Variants in PKD1L1 observed in about 807,000 individuals in gnomAD.
The protein encoded by PKD1L1 is polycystin 1 like 1, transient receptor potential channel interacting.
PKD1L1 carries 236 observed loss-of-function variants against 323.4 expected under a neutral mutation model. The observed-to-expected ratio is 0.73, with a 90% CI of 0.66 to 0.81. PKD1L1 has a LOEUF of 0.81. Among genes scored for constraint, PKD1L1 ranks in the 40% least tolerant of loss-of-function variants. PKD1L1 has a pLI of 0.00. For missense variants in PKD1L1, 3,320 were observed against 3,508.0 expected (o/e 0.95, Z 1.35); for synonymous variants, 1,344 against 1,335.0 (o/e 1.01, Z -0.15).
chr7:47,891,595 T>C (rs1786819621), intron 15 of PKD1L1, among the ~76,000 whole-genome samples: 1 of 152,246 alleles, frequency 6.6e-6, no homozygotes, highest in African/African-American at 2.4e-5. Flanking sequence ...ACCTTTCTGT[T>C]TCCAGAGCCT....
intron 47 of PKD1L1, 97 bp downstream of exon 47, chr7:47,815,237 C>T (rs1386672413): frequency 6.8e-7 from 1 of 1,478,746 alleles, no homozygotes; most frequent in Non-Finnish European, 9.1e-7. Context: ...ATTCAAGAAC[C>T]TATGCAGTGC....
intron 10 of PKD1L1, 59 bp from the exon 11 acceptor site, chr7:47,905,384 A>G (rs1040366908): frequency 1.9e-6 from 3 of 1,543,608 alleles, no homozygotes; most frequent in Admixed American, 1.8e-5. Context: ...GAATCTCCAG[A>G]GAAACTAGTA....
chr7:47,806,506 G>A (rs1165273236), intron 52 of PKD1L1, among the ~76,000 whole-genome samples: 3 of 152,242 alleles, frequency 2.0e-5, no homozygotes, highest in Non-Finnish European at 4.4e-5. Flanking sequence ...CAGGAAGCCT[G>A]CTGTCTGTCC....
intron 15 of PKD1L1, 100 bp downstream of exon 15, chr7:47,893,778 A>T: frequency 7.8e-7 from 1 of 1,276,502 alleles, no homozygotes; most frequent in Non-Finnish European, 1.1e-6. Flanking sequence ...TGATGTGCTT[A>T]AAATTTAAAA....
Position 47,839,379 on chromosome 7 carries a change from A to C in PKD1L1, c.5769+67T>G, listed in dbSNP as rs768584447. The stretch of plus-strand genomic sequence containing the variant: ...AAGACACAACTGTGGCAAGCGAAGC[A>C]GAGACAGGTGCCATGCTCTGCCGGT... On this transcript the variant is annotated intron_variant, in intron 36 of 56. Coordinates refer to ENST00000289672, the MANE Select transcript of PKD1L1 (RefSeq NM_138295.5). This position sits in a 1 kb window ranked among gnomAD's most constrained non-coding sequence, Gnocchi z 4.3. 76 of 1,339,132 alleles carry C rather than the reference A, an allele frequency of 5.7e-5. No homozygotes were observed. The African/African-American group carries it at 6.9e-4, about 12-fold the overall frequency. 83.0% of individuals were successfully genotyped at this position (1,339,132 alleles called of 1,614,324 possible).
At chr7:47,801,448 T>G (rs1380035519) in intron 53 of PKD1L1, among the ~76,000 whole-genome samples, 3 of 152,236 alleles carry the variant, frequency 2.0e-5, no homozygotes, top group Non-Finnish European at 4.4e-5. Flanking sequence ...TCACTCCATC[T>G]GCTCCAACCA....
intron 34 of PKD1L1, among the ~76,000 whole-genome samples, chr7:47,842,449 C>T (rs889439689): frequency 1.3e-5 from 2 of 152,126 alleles, no homozygotes; most frequent in African/African-American, 2.4e-5. Flanking sequence ...TTGTGTCACA[C>T]GCACTTCGAA....
At chr7:47,837,406 C>T (rs1199781628) in intron 36 of PKD1L1, among the ~76,000 whole-genome samples, 2 of 152,146 alleles carry the variant, frequency 1.3e-5, no homozygotes, top group Non-Finnish European at 1.5e-5. Flanking sequence ...CTTGCTACAG[C>T]CACACTGCTA....
At chr7:47,848,277 A>C (rs180871610) in intron 31 of PKD1L1, among the ~76,000 whole-genome samples, 2 of 152,184 alleles carry the variant, frequency 1.3e-5, no homozygotes, top group Non-Finnish European at 2.9e-5. Context: ...CAAGTCTTCC[A>C]TGTGAATACA....
At chr7:47,804,916 C>T (rs117878845) in intron 52 of PKD1L1, among the ~76,000 whole-genome samples, 3,644 of 152,282 alleles carry the variant, frequency 0.024, 71 homozygotes, top group Non-Finnish European at 0.031. Flanking sequence ...TTGGACAACA[C>T]GGCTATAAAC....
At chr7:47,853,858 A>T (rs1418184255) in intron 30 of PKD1L1, among the ~76,000 whole-genome samples, 1 of 152,012 alleles carries the variant, frequency 6.6e-6, no homozygotes, top group East Asian at 1.9e-4. Context: ...GGAATAAGAC[A>T]AACAGCACTG....
intron 55 of PKD1L1, chr7:47,795,369 C>T (rs1038547828): frequency 6.6e-6 from 3 of 455,198 alleles, no homozygotes; most frequent in African/African-American, 4.0e-5. Context: ...GATCATTTTT[C>T]TCTTGCCACC....
chr7:47,791,556 C>CTTGTTATATATTG lies in PKD1L1; in HGVS notation c.8526+1070_8526+1071insCAATATATAACAA, dbSNP rs1786949450. 2.0e-5 allele frequency among the ~76,000 whole-genome samples: 3 copies of CTTGTTATATATTG among 151,062 alleles called. No individual in the cohort carries two copies. In the East Asian group the frequency reaches 5.8e-4, roughly 29 times the overall value. On this transcript the variant is annotated intron_variant, in intron 56 of 56. Transcript: ENST00000289672. ...ATGGCAATTGTTTTCAAAGTTATAC[C>CTTGTTATATATTG]CTTCATCTTCACTTTTGGTCATTTT...
At chr7:47,802,696 C>T (rs1784690034) in intron 53 of PKD1L1, among the ~76,000 whole-genome samples, 1 of 152,238 alleles carries the variant, frequency 6.6e-6, no homozygotes, top group Non-Finnish European at 1.5e-5. Flanking sequence ...CCAGGAACTT[C>T]ATCAGGGCTC....
intron 7 of PKD1L1, among the ~76,000 whole-genome samples, chr7:47,920,652 C>G (rs900547655): frequency 6.6e-6 from 1 of 152,172 alleles, no homozygotes; most frequent in African/African-American, 2.4e-5. Flanking sequence ...TATTATGAAG[C>G]CATAGTCACC....
chr7:47,840,441 A>T lies in PKD1L1; in HGVS notation c.5552+20T>A. On this transcript the variant is annotated intron_variant, in intron 35 of 56. Coordinates refer to ENST00000289672, the MANE Select transcript of PKD1L1 (RefSeq NM_138295.5). The surrounding 1 kb of genome is among the most constrained non-coding windows in gnomAD (Gnocchi z 4.1). ...TTGGCCTCTCTTTCCCAAATCTAGC[A>T]GTGAAATATTTTGGAATACCTCAGG... 6 of 1,570,284 alleles carry T rather than the reference A, an allele frequency of 3.8e-6. No individual in the cohort carries two copies. The highest frequency in any genetic ancestry group is 1.7e-5 in the Admixed American group (1 of 59,904).
intron 53 of PKD1L1, among the ~76,000 whole-genome samples, chr7:47,801,538 G>A (rs1784662543): frequency 6.6e-6 from 1 of 152,220 alleles, no homozygotes; most frequent in African/African-American, 2.4e-5. Context: ...ATGGGGCTGT[G>A]TGTGTAGACT....
At position 47,840,805 on chromosome 7, in the gene PKD1L1, C is replaced by T. The variant is rs4724650; in HGVS notation, c.5446-238G>A. Among the ~76,000 whole-genome samples the T allele has an allele frequency of 0.16, 24,137 of 152,222 alleles. 2,386 individuals carry two copies. Among genetic ancestry groups the T allele is most frequent in the East Asian group, 0.22 (1,160 of 5,156 alleles). On this transcript the variant is annotated intron_variant, in intron 34 of 56. Transcript: ENST00000289672. This position sits in a 1 kb window ranked among gnomAD's most constrained non-coding sequence, Gnocchi z 4.1. ...CTGGTAGAATTGGCCATTTCCTCAC[C>T]TATTTGATCTAGAAAAGCCAGATCC...
Position 47,865,267 on chromosome 7 carries a change from T to C in PKD1L1, c.4098A>G (p.Glu1366=). Residue 1366 remains glutamate, a synonymous_variant, in exon 26 of 57, where the codon GAA becomes GAG. Transcript: ENST00000289672. ...VCRLAFVDQE[E]MIGSVLMLRD... ...TCAACATAAGAACAGAACCAATCAT[T>C]TCTTCCTGACCAGAAGAAACAACAA... The C allele has an allele frequency of 1.2e-6, 2 of 1,613,004 alleles. No homozygotes were observed. Among genetic ancestry groups the C allele is most frequent in the Non-Finnish European group, 1.7e-6 (2 of 1,179,416 alleles).
Sources: gnomAD v4.1 joint callset for allele counts (sites outside exome capture counted in the v4.1 genomes callset) on GRCh38, gnomAD v4.1.1 for gene constraint, Gnocchi (gnomAD v3.1) non-coding constraint, MANE v1.5 for transcripts, NCBI Gene and HGNC (gene_info 2026-07-23, HGNC 2026-07-21) for gene names.